Variants in LAMA3 observed in about 807,000 individuals in gnomAD.
LAMA3 encodes laminin subunit alpha-3.
A neutral mutation model predicts 402.0 loss-of-function variants in LAMA3; 281 were observed. The observed-to-expected ratio is 0.70, with a 90% CI of 0.63 to 0.77. The LOEUF is 0.77. Ranked by LOEUF, LAMA3 falls within the 30% of genes least tolerant of loss-of-function variation. LAMA3 has a pLI of 0.00. For missense variants in LAMA3, 3,840 were observed against 4,215.5 expected, an observed-to-expected ratio of 0.91 and a Z score of 2.47; for synonymous variants, 1,431 against 1,558.4, an observed-to-expected ratio of 0.92 and a Z score of 1.93.
chr18:23,896,693 G>A (rs1432438216), intron 44 of LAMA3, among the ~76,000 whole-genome samples: 1 of 152,148 alleles, frequency 6.6e-6, no homozygotes, highest in Non-Finnish European at 1.5e-5. Context: ...TTGGGTGATG[G>A]CCACATGAGA....
chr18:23,854,623 A>C (rs2064023962), intron 32 of LAMA3, among the ~76,000 whole-genome samples: 1 of 150,868 alleles, frequency 6.6e-6, no homozygotes, highest in African/African-American at 2.4e-5. Flanking sequence ...CCTGGGTGAC[A>C]GAGCGAGACT....
intron 4 of LAMA3, 42 bp from the exon 5 acceptor site, chr18:23,750,876 A>G (rs1449767061): frequency 6.2e-7 from 1 of 1,611,790 alleles, no homozygotes; most frequent in East Asian, 2.2e-5. Flanking sequence ...AATTTTGATA[A>G]AAGGAACTTT....
Position 23,758,387 on chromosome 18 carries a change from C to T in LAMA3, c.948-9C>T, listed in dbSNP as rs375445287. ...CAATAACTGAGATGCACTTCGCCCA[C>T]ATGCCCAGGTTTCGGTGTGAATGCC... On this transcript the variant is annotated splice_polypyrimidine_tract_variant and intron_variant, in intron 6 of 74. Transcript: ENST00000313654. The T allele has an allele frequency of 2.9e-5, 47 of 1,609,534 alleles. No individual in the cohort carries two copies. In the African/African-American group the frequency reaches 5.7e-4, roughly 20 times the overall value.
intron 2 of LAMA3, among the ~76,000 whole-genome samples, chr18:23,738,064 T>C (rs951842578): frequency 1.6e-4 from 25 of 151,822 alleles, no homozygotes. Context: ...AAATCAATCG[T>C]CGGTGGTATA....
At chr18:23,719,850 C>A (rs1027585590) in intron 2 of LAMA3, among the ~76,000 whole-genome samples, 3 of 152,060 alleles carry the variant, frequency 2.0e-5, no homozygotes, top group Non-Finnish European at 4.4e-5. Context: ...GATGAGGTCA[C>A]TAAGGAGGGT....
rs142611310 is a variant in LAMA3 at position 23,763,613 on chromosome 18, G to A, written c.1182+90G>A. On this transcript the variant is annotated intron_variant, in intron 8 of 74. Coordinates refer to ENST00000313654, the MANE Select transcript of LAMA3 (RefSeq NM_198129.4). ...CTCCTGAAGAGATGTCAAGAAAGTG[G>A]CAGGCAATCGTAAGAGTTTTCTGAG... The A allele has an allele frequency of 3.1e-4, 262 of 853,894 alleles. 1 individual carries two copies. In the African/African-American group the frequency reaches 3.6e-3, roughly 12 times the overall value. 52.9% of individuals were successfully genotyped at this position (853,894 alleles called of 1,614,324 possible).
rs755080322 is a variant in LAMA3, at chr18:23,833,872, C to A, written c.2868C>A (p.Tyr956Ter). The change falls in exon 24 of 75, where the codon TAC becomes TAA. Residue 956 changes from tyrosine to a stop codon, truncating the protein, a stop_gained. Coordinates refer to ENST00000313654, the MANE Select transcript of LAMA3 (RefSeq NM_198129.4). LOFTEE classifies it high-confidence loss of function. The stretch of plus-strand genomic sequence containing the variant: ...TGCGCATCCCACAGGTTGGCCACTA[C>A]GTGGTTGTGGTCGAGTATTCCACGG... ...LRLRIPQVGH[Y>*]VVVVEYSTEA... is the part of the protein sequence containing the mutation. 6.2e-7 allele frequency: 1 copy of A among 1,613,962 alleles called. No homozygotes were observed. Among genetic ancestry groups the A allele is most frequent in the African/African-American group, 1.3e-5 (1 of 75,040 alleles).
intron 32 of LAMA3, among the ~76,000 whole-genome samples, chr18:23,850,514 C>T (rs978306789): frequency 1.3e-5 from 2 of 152,208 alleles, no homozygotes. Context: ...TTAGTAAAAT[C>T]ATCTCTAACT....
chr18:23,727,522 T>C (rs976877671), intron 2 of LAMA3, among the ~76,000 whole-genome samples: 7 of 151,882 alleles, frequency 4.6e-5, no homozygotes, highest in African/African-American at 1.7e-4. Context: ...GATGGGGTTT[T>C]GCCATGTTGG....
At chr18:23,712,930 G>C (rs1390635338) in intron 1 of LAMA3, among the ~76,000 whole-genome samples, 1 of 151,752 alleles carries the variant, frequency 6.6e-6, no homozygotes, top group African/African-American at 2.4e-5. Flanking sequence ...GTCCATCCCT[G>C]GGAAGCATGA....
chr18:23,773,432 G>A lies in LAMA3; in HGVS notation c.1183-65G>A, dbSNP rs2062244742. ...ACAGAATTATTCCTCTGGGTGAGTA[G>A]CACAAAATAAGGAGAATCGTCTTCC... is the stretch of plus-strand genomic sequence containing the variant. On this transcript the variant is annotated intron_variant, in intron 8 of 74. Transcript: ENST00000313654. The A allele has an allele frequency of 2.7e-5, 25 of 939,628 alleles. 2 individuals carry two copies. The South Asian group carries it at 3.3e-4, about 13-fold the overall frequency. The allele number at this position is 939,628 out of a possible 1,614,324, so 58.2% of individuals were successfully genotyped here. A position where few individuals can be genotyped will look rare whatever the true frequency, so the allele number is the denominator to read the frequency against.
At chr18:23,724,568 A>G (rs1907635203) in intron 2 of LAMA3, among the ~76,000 whole-genome samples, 1 of 152,224 alleles carries the variant, frequency 6.6e-6, no homozygotes, top group African/African-American at 2.4e-5. Context: ...TTCAATGCCA[A>G]CAGAATCAGA....
At chr18:23,931,494 G>A (rs1218098203) in intron 65 of LAMA3, 5 of 287,724 alleles carry the variant, frequency 1.7e-5, no homozygotes, top group Non-Finnish European at 2.6e-5. Context: ...ATGTCTCTAC[G>A]AAAACTAAAA....
At chr18:23,883,505 A>G (rs1177063786) in intron 40 of LAMA3, among the ~76,000 whole-genome samples, 3 of 151,914 alleles carry the variant, frequency 2.0e-5, no homozygotes, top group African/African-American at 7.3e-5. Flanking sequence ...GTGGATCACA[A>G]AGGCAGGCCT....
chr18:23,752,641 T>C lies in LAMA3; in HGVS notation c.856-1080T>C, dbSNP rs543007074. Among the ~76,000 whole-genome samples the C allele has an allele frequency of 8.5e-5, 13 of 152,296 alleles. No individual in the cohort carries two copies. The East Asian group carries it at 2.1e-3, about 25-fold the overall frequency. On this transcript the variant is annotated intron_variant, in intron 5 of 74. Coordinates refer to ENST00000313654, the MANE Select transcript of LAMA3 (RefSeq NM_198129.4). ...AGGAAAGCCCCTGAGTGTTAACTTGTCACAGAAAGCCCTGGTAATACTGAC... is the reference window on the plus strand; with the variant it reads ...AGGAAAGCCCCTGAGTGTTAACTTGCCACAGAAAGCCCTGGTAATACTGAC...
chr18:23,939,602 C>T (rs1476967164), intron 68 of LAMA3, among the ~76,000 whole-genome samples: 3 of 152,216 alleles, frequency 2.0e-5, no homozygotes, highest in Non-Finnish European at 2.9e-5. Flanking sequence ...CGACAGTGTA[C>T]TTCTCAGAGG....
chr18:23,912,655 C>T, intron 55 of LAMA3, 56 bp from the exon 56 acceptor site: 2 of 1,453,922 alleles, frequency 1.4e-6, no homozygotes, highest in Middle Eastern at 1.7e-4. Flanking sequence ...GCTCTCTGAG[C>T]ACACCTACTT....
At chr18:23,835,443 T>C (rs1212895947) in intron 24 of LAMA3, among the ~76,000 whole-genome samples, 2 of 152,182 alleles carry the variant, frequency 1.3e-5, no homozygotes, top group African/African-American at 4.8e-5. Context: ...TGGGTGTTGT[T>C]TCATGACCTA....
intron 30 of LAMA3, among the ~76,000 whole-genome samples, chr18:23,845,817 C>T (rs2063801587): frequency 6.6e-6 from 1 of 152,100 alleles, no homozygotes; most frequent in African/African-American, 2.4e-5. Flanking sequence ...GCCTCAGTTG[C>T]CTTATCTGTG....
Sources: gnomAD v4.1 joint callset for allele counts (sites outside exome capture counted in the v4.1 genomes callset) on GRCh38, gnomAD v4.1.1 for gene constraint, MANE v1.5 for transcripts, NCBI Gene and HGNC (gene_info 2026-07-23, HGNC 2026-07-21) for gene names.